The following MACROD2 variants were observed in gnomAD, a reference collection of about 807,000 sequenced individuals.
MACROD2 encodes the protein ADP-ribose glycohydrolase MACROD2.
In MACROD2, 36 loss-of-function variants were observed where a neutral mutation model predicts 70.4. The observed-to-expected ratio is 0.51, with a 90% CI of 0.39 to 0.68. The LOEUF (loss-of-function observed/expected upper bound fraction) is 0.68. Ranked by LOEUF, MACROD2 falls within the 30% of genes least tolerant of loss-of-function variation. MACROD2 has a pLI of 0.00. For synonymous variants in MACROD2, 172 were observed against 178.8 expected (o/e 0.96, Z 0.30); for missense variants, 496 against 538.4 (o/e 0.92, Z 0.78).
At chr20:15,835,265 GTAAT>G (rs2064101168) in intron 8 of MACROD2, among the ~76,000 whole-genome samples, 2 of 118,932 alleles carry the variant, frequency 1.7e-5, no homozygotes, top group Admixed American at 8.4e-5. Context: ...TATTAATTCA[GTAAT>G]TACTTATTGA....
At chr20:14,265,292 A>T (rs1325122862) in intron 3 of MACROD2, among the ~76,000 whole-genome samples, 1 of 152,148 alleles carries the variant, frequency 6.6e-6, no homozygotes, top group African/African-American at 2.4e-5. Context: ...GGGTCCTGGT[A>T]AGGGTTGTAT....
intron 8 of MACROD2, among the ~76,000 whole-genome samples, chr20:15,721,492 A>G (rs560019221): frequency 1.3e-5 from 2 of 152,338 alleles, no homozygotes; most frequent in East Asian, 3.9e-4. Flanking sequence ...TACAAAAAAT[A>G]TATATCATTG....
At chr20:15,209,321 G>A (rs56123616) in intron 5 of MACROD2, among the ~76,000 whole-genome samples, 15,871 of 151,854 alleles carry the variant, frequency 0.1, 1,071 homozygotes, top group Non-Finnish European at 0.15. Flanking sequence ...ATACTGTCCA[G>A]GGTTTTTAGT....
At chr20:15,527,875 C>T (rs1218834797) in intron 8 of MACROD2, among the ~76,000 whole-genome samples, 1 of 152,178 alleles carries the variant, frequency 6.6e-6, no homozygotes, top group African/African-American at 2.4e-5. Context: ...TCTCCATTTT[C>T]TCCATAGCAC....
At chr20:15,060,674 T>C (rs1340855080) in intron 5 of MACROD2, among the ~76,000 whole-genome samples, 1 of 152,172 alleles carries the variant, frequency 6.6e-6, no homozygotes, top group African/African-American at 2.4e-5. Flanking sequence ...GTGCCAAAGG[T>C]CACTGAGGAT....
At chr20:15,975,625 A>G (rs2066295199) in intron 13 of MACROD2, among the ~76,000 whole-genome samples, 1 of 152,220 alleles carries the variant, frequency 6.6e-6, no homozygotes, top group Admixed American at 6.5e-5. Flanking sequence ...TTTTGATCCC[A>G]GGATATATTT....
intron 5 of MACROD2, among the ~76,000 whole-genome samples, chr20:15,003,767 C>T (rs1168208032): frequency 6.6e-6 from 1 of 152,118 alleles, no homozygotes; most frequent in Non-Finnish European, 1.5e-5. Flanking sequence ...AAGCCTGAGG[C>T]CTGCTAAGGT....
chr20:14,687,915 A>G (rs563267618), intron 5 of MACROD2, among the ~76,000 whole-genome samples: 16 of 152,308 alleles, frequency 1.1e-4, no homozygotes, highest in Middle Eastern at 3.4e-3. Flanking sequence ...CCACTTTATA[A>G]TATTTCACAG....
chr20:15,262,125 A>C (rs569764654), intron 6 of MACROD2, among the ~76,000 whole-genome samples: 238 of 152,110 alleles, frequency 1.6e-3, no homozygotes, highest in African/African-American at 5.6e-3. Flanking sequence ...CTGTTATGCT[A>C]TCAAATACTA....
At chr20:15,034,222 A>C (rs1429550050) in intron 5 of MACROD2, among the ~76,000 whole-genome samples, 1 of 152,192 alleles carries the variant, frequency 6.6e-6, no homozygotes, top group East Asian at 1.9e-4. Context: ...AACATAAAGC[A>C]CTGCTACCAA....
chr20:16,002,857 C>T (rs990418005), intron 15 of MACROD2, among the ~76,000 whole-genome samples: 1 of 152,150 alleles, frequency 6.6e-6, no homozygotes, highest in African/African-American at 2.4e-5. Flanking sequence ...TTAGAACACT[C>T]CTTTTGAAAA....
At chr20:15,247,974 A>G (rs2077121397) in intron 6 of MACROD2, among the ~76,000 whole-genome samples, 3 of 152,206 alleles carry the variant, frequency 2.0e-5, no homozygotes, top group African/African-American at 7.2e-5. Context: ...CTGGGATTAC[A>G]GGCATGAGCC....
intron 5 of MACROD2, among the ~76,000 whole-genome samples, chr20:14,762,388 A>G (rs1182872856): frequency 2.0e-5 from 3 of 152,158 alleles, no homozygotes; most frequent in African/African-American, 7.2e-5. Context: ...GAAATAGATA[A>G]GAGCTAGTAG....
intron 3 of MACROD2, among the ~76,000 whole-genome samples, chr20:14,319,542 G>C (rs1239879604): frequency 6.6e-6 from 1 of 151,960 alleles, no homozygotes; most frequent in East Asian, 1.9e-4. Flanking sequence ...CTTAATCATT[G>C]TTTCTGTTTT....
intron 5 of MACROD2, among the ~76,000 whole-genome samples, chr20:15,016,629 C>T (rs1258686794): frequency 6.6e-6 from 1 of 152,006 alleles, no homozygotes; most frequent in Non-Finnish European, 1.5e-5. Context: ...CCTCTCTTGC[C>T]ATGTGTATTA....
chr20:15,299,075 A>G (rs1024565435), intron 6 of MACROD2, among the ~76,000 whole-genome samples: 1 of 152,228 alleles, frequency 6.6e-6, no homozygotes, highest in Non-Finnish European at 1.5e-5. Flanking sequence ...TGGAAGTGAT[A>G]AACTAAGACA....
In MACROD2 at chr20:15,918,594, G is replaced by A. The variant is rs150795803; in HGVS notation, c.776-14682G>A. On this transcript the variant is annotated intron_variant, in intron 10 of 17. Coordinates refer to ENST00000684519, the MANE Select transcript of MACROD2 (RefSeq NM_001351661.2). ...AATCTTCTGGGTTCCATAAAACAGG[G>A]AAATTGGGTTTATCAAGTCCAAGAT... Among the ~76,000 whole-genome samples the A allele has an allele frequency of 7.3e-3, 1,113 of 152,286 alleles. 7 individuals are homozygous for A. Among genetic ancestry groups the A allele is most frequent in the Non-Finnish European group, 0.01 (700 of 68,022 alleles).
chr20:15,866,976 G>A (rs1020277659), intron 9 of MACROD2, among the ~76,000 whole-genome samples: 11 of 152,074 alleles, frequency 7.2e-5, no homozygotes, highest in African/African-American at 1.9e-4. Context: ...CAGAGCAGGC[G>A]GCTTAAACCA....
At chr20:14,541,088 T>G (rs1296444818) in intron 4 of MACROD2, among the ~76,000 whole-genome samples, 2 of 152,198 alleles carry the variant, frequency 1.3e-5, no homozygotes, top group African/African-American at 2.4e-5. Context: ...AATTACAGAA[T>G]TGATTCCTCT....
Sources: allele counts gnomAD v4.1 joint callset (sites outside exome capture counted in the v4.1 genomes callset), GRCh38; gene constraint gnomAD v4.1.1; transcripts MANE v1.5; gene names NCBI Gene and HGNC (gene_info 2026-07-23, HGNC 2026-07-21).